The following ROBO2 variants were observed in gnomAD, a reference collection of about 807,000 sequenced individuals.
ROBO2 encodes the protein roundabout guidance receptor 2, also known as roundabout homolog 2.
A neutral mutation model predicts 160.8 loss-of-function variants in ROBO2; 53 were observed. The ratio of observed to expected loss-of-function variants is 0.33; its 90% CI spans 0.26 to 0.41. The LOEUF (loss-of-function observed/expected upper bound fraction) is 0.41. ROBO2 is among the 10% of genes least tolerant of loss of function. The pLI is 1.00. For synonymous variants in ROBO2, 664 were observed against 611.7 expected, an observed-to-expected ratio of 1.09 and a Z score of -1.26; for missense variants, 1,577 against 1,722.4, an observed-to-expected ratio of 0.92 and a Z score of 1.49.
chr3:76,321,341 C>T (rs1341933080), intron 2 of ROBO2, among the ~76,000 whole-genome samples: 6 of 152,026 alleles, frequency 3.9e-5, no homozygotes, highest in Non-Finnish European at 5.9e-5. Context: ...ATGGTGAAAC[C>T]CTGTATCTCC....
At chr3:76,822,176 T>G (rs1172557237) in intron 2 of ROBO2, among the ~76,000 whole-genome samples, 1 of 152,110 alleles carries the variant, frequency 6.6e-6, no homozygotes, top group Admixed American at 6.6e-5. Flanking sequence ...CTGGGTGTTC[T>G]TTTGTAAAAT....
Position 76,302,006 on chromosome 3 carries a change from A to G in ROBO2, c.109+364404A>G, listed in dbSNP as rs892808727. 2.0e-5 allele frequency among the ~76,000 whole-genome samples: 3 copies of G among 152,204 alleles called. No homozygotes were observed. The East Asian group carries it at 5.8e-4, about 29-fold the overall frequency. On this transcript the variant is annotated intron_variant, in intron 2 of 26. Coordinates refer to the ROBO2 transcript ENST00000487694. ...TGAAGAAACAAAATAGAAAGAGCCC[A>G]TATCTCTTGAAACTTAATGGAGCAA...
At chr3:76,963,577 T>G (rs1437336121) in intron 2 of ROBO2, among the ~76,000 whole-genome samples, 1 of 152,056 alleles carries the variant, frequency 6.6e-6, no homozygotes, top group Non-Finnish European at 1.5e-5. Flanking sequence ...ATTTGACTTT[T>G]TATCTCTATT....
At chr3:77,462,499 T>C (rs566518789) in intron 2 of ROBO2, among the ~76,000 whole-genome samples, 6 of 152,218 alleles carry the variant, frequency 3.9e-5, no homozygotes, top group Non-Finnish European at 8.8e-5. Context: ...AAGCACCTAA[T>C]TGTGGAAAAT....
chr3:76,096,195 T>A (rs1043168757), intron 2 of ROBO2, among the ~76,000 whole-genome samples: 3 of 152,200 alleles, frequency 2.0e-5, no homozygotes, highest in African/African-American at 7.2e-5. Flanking sequence ...CGAGTTTACT[T>A]GGGCCACCTT....
intron 2 of ROBO2, among the ~76,000 whole-genome samples, chr3:76,346,279 G>T (rs139593561): frequency 2.0e-3 from 291 of 145,552 alleles, no homozygotes; most frequent in Middle Eastern, 0.014. Context: ...ACAGAGTCTC[G>T]CTCTGTTGCC....
At chr3:76,608,746 A>G (rs1043709390) in intron 2 of ROBO2, among the ~76,000 whole-genome samples, 17 of 151,998 alleles carry the variant, frequency 1.1e-4, no homozygotes, top group African/African-American at 3.9e-4. Flanking sequence ...TTATTTTCCT[A>G]TGTGGTGAGA....
At chr3:77,310,368 G>T (rs551891492) in intron 2 of ROBO2, among the ~76,000 whole-genome samples, 13 of 152,260 alleles carry the variant, frequency 8.5e-5, no homozygotes, top group African/African-American at 2.9e-4. Context: ...AATTGAGAAA[G>T]ATGTTTTTGA....
At chr3:76,268,107 C>CAT (rs1707206396) in intron 2 of ROBO2, among the ~76,000 whole-genome samples, 1 of 152,142 alleles carries the variant, frequency 6.6e-6, no homozygotes, top group Non-Finnish European at 1.5e-5. Context: ...TAAATGTACA[C>CAT]ATATACACAT....
At chr3:75,992,868 T>C (rs1016675207) in intron 2 of ROBO2, among the ~76,000 whole-genome samples, 1 of 152,214 alleles carries the variant, frequency 6.6e-6, no homozygotes, top group African/African-American at 2.4e-5. Context: ...GAGATCACTT[T>C]GGAGCTTTAA....
At chr3:77,054,963 G>T (rs2065592178) in intron 1 of ROBO2, among the ~76,000 whole-genome samples, 1 of 119,660 alleles carries the variant, frequency 8.4e-6, no homozygotes, top group African/African-American at 3.2e-5. Flanking sequence ...TGTAAAACTT[G>T]GTTAATGTGT....
chr3:76,818,370 G>GT (rs972730390), intron 2 of ROBO2, among the ~76,000 whole-genome samples: 2 of 151,396 alleles, frequency 1.3e-5, no homozygotes, highest in African/African-American at 2.4e-5. Flanking sequence ...ATTTGTTTGT[G>GT]TTTTTTTGTA....
At chr3:76,666,514 T>C (rs529249434) in intron 2 of ROBO2, among the ~76,000 whole-genome samples, 1 of 152,238 alleles carries the variant, frequency 6.6e-6, no homozygotes, top group Non-Finnish European at 1.5e-5. Context: ...CTATGGTGTT[T>C]TTAAAATGTA....
intron 2 of ROBO2, among the ~76,000 whole-genome samples, chr3:77,178,661 C>G (rs2080394210): frequency 6.6e-6 from 1 of 151,978 alleles, no homozygotes; most frequent in African/African-American, 2.4e-5. Context: ...ATACCCCCCA[C>G]AGTGTGTATA....
intron 2 of ROBO2, among the ~76,000 whole-genome samples, chr3:76,506,663 C>T (rs1441883707): frequency 6.6e-6 from 1 of 152,134 alleles, no homozygotes; most frequent in Non-Finnish European, 1.5e-5. Flanking sequence ...GTCTTGTCCT[C>T]ATTTTATCAG....
rs2081177153 is a variant in ROBO2, at chr3:77,185,254, TATAG to T, written c.388+86918_388+86921del. Among the ~76,000 whole-genome samples, 3 of 152,092 alleles carry T rather than the reference TATAG, an allele frequency of 2.0e-5. No homozygotes were observed. The East Asian group carries it at 5.8e-4, about 29-fold the overall frequency. ...AGTGGATAGGCATCTTAGATTCAGA[TATAG>T]ATAAAGTGGAGAATTATCTCTTTGG... On this transcript the variant is annotated intron_variant, in intron 2 of 25. Transcript: ENST00000461745.
At chr3:76,031,950 C>T (rs937969840) in intron 2 of ROBO2, among the ~76,000 whole-genome samples, 1 of 152,034 alleles carries the variant, frequency 6.6e-6, no homozygotes, top group Admixed American at 6.6e-5. Flanking sequence ...GTACCAGCTC[C>T]TCTTTGTACC....
chr3:75,931,923 A>G (rs867667022), intron 1 of ROBO2, among the ~76,000 whole-genome samples: 1 of 152,132 alleles, frequency 6.6e-6, no homozygotes, highest in Non-Finnish European at 1.5e-5. Context: ...AACATCTGAT[A>G]CATATTTGTT....
chr3:76,470,913 G>T (rs2078620501), intron 2 of ROBO2, among the ~76,000 whole-genome samples: 1 of 152,058 alleles, frequency 6.6e-6, no homozygotes, highest in Non-Finnish European at 1.5e-5. Context: ...ACACTTGGCT[G>T]CATGCATTTA....
Sources: allele counts gnomAD v4.1 joint callset (sites outside exome capture counted in the v4.1 genomes callset), GRCh38; gene constraint gnomAD v4.1.1; transcripts MANE v1.5; gene names NCBI Gene and HGNC (gene_info 2026-07-23, HGNC 2026-07-21).